The following C11orf54 variants were observed in gnomAD, a reference collection of about 807,000 sequenced individuals.
C11orf54 encodes beta-keto-L-gulonate decarboxylase, also known as beta-keto L-gulonate decarboxylase.
In C11orf54, 29 loss-of-function variants were observed where a neutral mutation model predicts 35.5. That is an observed-to-expected ratio of 0.82 (90% CI 0.61 to 1.11). The LOEUF is 1.11. Ranked by LOEUF, C11orf54 falls within the 50% of genes most tolerant of loss-of-function variation. The pLI is 0.00. For synonymous variants in C11orf54, 108 were observed against 121.1 expected, an observed-to-expected ratio of 0.89 and a Z score of 0.71; for missense variants, 373 against 369.2, an observed-to-expected ratio of 1.01 and a Z score of -0.08.
chr11:93,743,468 C>T (rs756932602), intron 1 of C11orf54, among the ~76,000 whole-genome samples: 5 of 152,172 alleles, frequency 3.3e-5, no homozygotes, highest in Non-Finnish European at 7.4e-5. Context: ...AGGGGGGGCG[C>T]GAGTGAATGA....
At chr11:93,751,840 T>G (rs1005297849) in intron 3 of C11orf54, among the ~76,000 whole-genome samples, 123 of 144,594 alleles carry the variant, frequency 8.5e-4, no homozygotes, top group African/African-American at 3.1e-3. Flanking sequence ...TTTTTTTTTT[T>G]TTTGTGTGTG....
At chr11:93,757,601 CT>C in intron 7 of C11orf54, 136 bp downstream of exon 7, 1 of 916,092 alleles carries the variant, frequency 1.1e-6, no homozygotes, top group Non-Finnish European at 1.6e-6. Context: ...ACAATCTTGG[CT>C]CACTGCAACC....
At chr11:93,755,064 CT>C in intron 5 of C11orf54, 145 bp from the exon 6 acceptor site, 1 of 902,296 alleles carries the variant, frequency 1.1e-6, no homozygotes, top group Non-Finnish European at 1.6e-6. Context: ...TTTTTTATGT[CT>C]AAAATTAAAT....
Position 93,753,757 on chromosome 11 carries a change from TA to T in C11orf54, c.228+4del. The T allele has an allele frequency of 1.2e-6, 2 of 1,613,074 alleles. No individual in the cohort carries two copies. The highest frequency in any genetic ancestry group is 1.7e-6 in the Non-Finnish European group (2 of 1,179,350). On this transcript the variant is annotated splice_donor_region_variant and intron_variant, in intron 4 of 8. Coordinates refer to ENST00000354421, the MANE Select transcript of C11orf54 (RefSeq NM_001286069.2). ...TTGCCTCTTGTAAACCAAAAAAAAGTAAGTACTTTTACTCTGCATATTCACA... is the reference window on the plus strand; with the variant it reads ...TTGCCTCTTGTAAACCAAAAAAAAGTAGTACTTTTACTCTGCATATTCACA...
Position 93,755,229 on chromosome 11 carries a change from C to A in C11orf54, c.350C>A (p.Thr117Lys). Reference protein sequence around the residue: ...FNSEFMPVIQTESEHKPPVNG... With the variant: ...FNSEFMPVIQKESEHKPPVNG... ...TTTCAGTTTATGCCAGTTATTCAGA[C>A]AGAAAGTGAACACAAGCCTCCTGTA... Residue 117 changes from threonine to lysine, a missense_variant, in exon 6 of 9, where the codon ACA becomes AAA. Thr to Lys is a moderately conservative substitution (Grantham distance 78). Transcript: ENST00000354421. 1.9e-6 allele frequency: 3 copies of A among 1,613,980 alleles called. No individual in the cohort carries two copies. Among genetic ancestry groups the A allele is most frequent in the Non-Finnish European group, 2.5e-6 (3 of 1,179,960 alleles).
At chr11:93,758,423 G>A (rs979197504) in intron 7 of C11orf54, among the ~76,000 whole-genome samples, 1 of 152,220 alleles carries the variant, frequency 6.6e-6, no homozygotes, top group Non-Finnish European at 1.5e-5. Flanking sequence ...GCAGGCAGGA[G>A]CCCTGCCTTC....
At chr11:93,759,009 A>G (rs1479743294) in intron 7 of C11orf54, among the ~76,000 whole-genome samples, 1 of 152,228 alleles carries the variant, frequency 6.6e-6, no homozygotes, top group Non-Finnish European at 1.5e-5. Context: ...TCAGGAAACA[A>G]CAGATGCTGG....
At position 93,757,288 on chromosome 11, in the gene C11orf54, A is replaced by G. The variant is rs772526876; in HGVS notation, c.508-28A>G. 1.6e-5 allele frequency: 25 copies of G among 1,583,250 alleles called. No individual in the cohort carries two copies. The East Asian group carries it at 2.0e-4, about 13-fold the overall frequency. ...CAGTAGTTATTTTGCAGCATAGTCA[A>G]TGGTATGCATCTTTATGTCCTCTAT... On this transcript the variant is annotated intron_variant, in intron 6 of 8. Transcript: ENST00000354421.
chr11:93,748,198 T>C (rs867285078), intron 2 of C11orf54, among the ~76,000 whole-genome samples: 37 of 152,166 alleles, frequency 2.4e-4, no homozygotes, highest in African/African-American at 8.0e-4. Flanking sequence ...TTATAATCTT[T>C]TTTTTTTTCC....
rs1943075958 is a variant in C11orf54, at chr11:93,755,308, G to A, written c.429G>A (p.Glu143=). The A allele has an allele frequency of 6.2e-7, 1 of 1,614,194 alleles. No homozygotes were observed. The change falls in exon 6 of 9, where the codon GAG becomes GAA. Residue 143 remains glutamate, a synonymous_variant. Transcript: ENST00000354421. ...VNPADGGCLL[E]KYSEKCHDFQ... ...CTGCAGATGGAGGGTGCCTACTGGAGAAATACAGTGAGAAATGTCATGATT... is the reference window on the plus strand; with the variant it reads ...CTGCAGATGGAGGGTGCCTACTGGAAAAATACAGTGAGAAATGTCATGATT...
At chr11:93,749,284 GC>G (rs1489097697) in intron 2 of C11orf54, among the ~76,000 whole-genome samples, 2 of 151,918 alleles carry the variant, frequency 1.3e-5, no homozygotes, top group African/African-American at 2.4e-5. Context: ...GAGTTTGAGA[GC>G]CACCTGGGCA....
At chr11:93,747,654 A>G (rs575272164) in intron 2 of C11orf54, among the ~76,000 whole-genome samples, 11 of 152,302 alleles carry the variant, frequency 7.2e-5, no homozygotes, top group Admixed American at 2.0e-4. Context: ...CTGTCTAAAA[A>G]AACTAAAATT....
At chr11:93,757,701 G>A (rs1167504668) in intron 7 of C11orf54, among the ~76,000 whole-genome samples, 5 of 152,068 alleles carry the variant, frequency 3.3e-5, no homozygotes, top group Admixed American at 6.6e-5. Flanking sequence ...GGCTCATTTT[G>A]TAGTTTTAGT....
intron 1 of C11orf54, chr11:93,742,641 T>G (rs1942171971): frequency 6.6e-6 from 1 of 152,262 alleles, no homozygotes; most frequent in Non-Finnish European, 1.5e-5. Context: ...AGCTGTCTAG[T>G]CTTATTTTAT....
In C11orf54 at chr11:93,763,931, G is replaced by C. The variant is rs1212738486; in HGVS notation, c.*2243G>C. ...GGTGGTTAGGGAGTAGGGCCAGAGT[G>C]ATGTTTCTTGCATGTGGTTTGAATT... On this transcript the variant is annotated 3_prime_UTR_variant, in exon 9 of 9. Coordinates refer to ENST00000354421, the MANE Select transcript of C11orf54 (RefSeq NM_001286069.2). 6.6e-6 allele frequency: 1 copy of C among 152,264 alleles called. No homozygotes were observed. Among genetic ancestry groups the C allele is most frequent in the Non-Finnish European group, 1.5e-5 (1 of 68,078 alleles). 9.4% of individuals were successfully genotyped at this position (152,264 alleles called of 1,614,324 possible).
chr11:93,750,544 A>G, intron 3 of C11orf54, 100 bp downstream of exon 3: 1 of 923,688 alleles, frequency 1.1e-6, no homozygotes, highest in Admixed American at 2.3e-5. Flanking sequence ...CAAATAAAGG[A>G]TATTGTCACA....
At chr11:93,757,617 T>C (rs1943223912) in intron 7 of C11orf54, among the ~76,000 whole-genome samples, 152 bp downstream of exon 7, 2 of 151,978 alleles carry the variant, frequency 1.3e-5, no homozygotes. Flanking sequence ...GCAACCTCCA[T>C]CTCCCGGATT....
chr11:93,750,551 C>A, intron 3 of C11orf54, 107 bp downstream of exon 3: 1 of 889,522 alleles, frequency 1.1e-6, no homozygotes, highest in Non-Finnish European at 1.7e-6. Context: ...AGGATATTGT[C>A]ACAACATTTA....
At chr11:93,758,262 C>T (rs1043331898) in intron 7 of C11orf54, among the ~76,000 whole-genome samples, 7 of 152,308 alleles carry the variant, frequency 4.6e-5, no homozygotes, top group Admixed American at 3.3e-4. Context: ...GCTGGAGCTC[C>T]GTTGGTGCCG....
Sources: allele counts gnomAD v4.1 joint callset (sites outside exome capture counted in the v4.1 genomes callset), GRCh38; gene constraint gnomAD v4.1.1; transcripts MANE v1.5; gene names NCBI Gene and HGNC (gene_info 2026-07-23, HGNC 2026-07-21).